MCF2L2: variants seen among roughly 807,000 people sequenced by gnomAD.
MCF2L2 encodes the protein probable guanine nucleotide exchange factor MCF2L2.
In MCF2L2, 102 loss-of-function variants were observed where a neutral mutation model predicts 150.2. The ratio of observed to expected loss-of-function variants is 0.68; its 90% CI spans 0.58 to 0.80. MCF2L2 has a LOEUF of 0.80. Ranked by LOEUF, MCF2L2 falls within the 30% of genes least tolerant of loss-of-function variation. MCF2L2 has a pLI of 0.00. For missense variants in MCF2L2, 1,256 were observed against 1,372.8 expected, an observed-to-expected ratio of 0.91 and a Z score of 1.34; for synonymous variants, 465 against 491.3, an observed-to-expected ratio of 0.95 and a Z score of 0.71.
At chr3:183,295,575 A>C in intron 12 of MCF2L2, 98 bp from the exon 13 acceptor site, 11 of 1,170,684 alleles carry the variant, frequency 9.4e-6, no homozygotes, top group Non-Finnish European at 1.4e-5. Flanking sequence ...TACTCCCCCC[A>C]TCCCTACCTC....
chr3:183,309,883 C>T, intron 9 of MCF2L2, 48 bp from the exon 10 acceptor site: 1 of 1,606,200 alleles, frequency 6.2e-7, no homozygotes, highest in Non-Finnish European at 8.5e-7. Flanking sequence ...CACTCACTCA[C>T]CTGAAGGTAT....
intron 17 of MCF2L2, 43 bp downstream of exon 17, chr3:183,229,623 C>T: frequency 2.2e-6 from 2 of 909,382 alleles, no homozygotes; most frequent in Non-Finnish European, 3.5e-6. Flanking sequence ...TTCCACCCTT[C>T]TCTTACTCTC....
rs138535942 is a variant in MCF2L2, at chr3:183,416,958, A to G, written c.76+10944T>C. ...CCCTGTCTCTACTAAAAATTTTTTTAAAAATTAGCTTGGCGTGGTGGGGCG... is the reference window on the plus strand; with the variant it reads ...CCCTGTCTCTACTAAAAATTTTTTTGAAAATTAGCTTGGCGTGGTGGGGCG... On this transcript the variant is annotated intron_variant, in intron 1 of 29. Coordinates refer to ENST00000328913, the MANE Select transcript of MCF2L2 (RefSeq NM_015078.4). 1.1e-3 allele frequency among the ~76,000 whole-genome samples: 163 copies of G among 151,642 alleles called. 1 individual carries two copies. Among genetic ancestry groups the G allele is most frequent in the African/African-American group, 3.8e-3 (157 of 41,316 alleles).
chr3:183,358,439 CAAAAACACTACATAAAGTTA>C (rs1393476638), intron 3 of MCF2L2, among the ~76,000 whole-genome samples: 5 of 152,148 alleles, frequency 3.3e-5, no homozygotes, highest in African/African-American at 1.2e-4. Flanking sequence ...ACAAAAAATA[CAAAAACACTACATAAAGTTA>C]AAAATGAATC....
At position 183,269,564 on chromosome 3, in the gene MCF2L2, G is replaced by A. The variant is rs1298765567; in HGVS notation, c.1862+7308C>T. 3.4e-5 allele frequency: 15 copies of A among 439,258 alleles called. No homozygotes were observed. The South Asian group carries it at 4.0e-4, about 12-fold the overall frequency. The allele number at this position is 439,258 out of a possible 1,614,324, so 27.2% of individuals were successfully genotyped here. ...CCACCACGCTTCCTGAAGGATGCCC[G>A]TGTGGAAGAATTTTGACGTGCCAGT... On this transcript the variant is annotated intron_variant, in intron 15 of 29. Transcript: ENST00000328913.
intron 3 of MCF2L2, chr3:183,375,963 C>T (rs1258253218): frequency 2.6e-5 from 4 of 152,180 alleles, no homozygotes; most frequent in African/African-American, 9.7e-5. Flanking sequence ...GCCTTCTCAC[C>T]CTTTGTCTCC....
intron 27 of MCF2L2, among the ~76,000 whole-genome samples, chr3:183,187,746 C>CGT (rs1408311010): frequency 2.0e-4 from 31 of 152,352 alleles, no homozygotes; most frequent in African/African-American, 7.2e-4. Context: ...GGATTACAGG[C>CGT]GTGAGCCACC....
intron 14 of MCF2L2, among the ~76,000 whole-genome samples, chr3:183,281,295 T>C (rs922738698): frequency 6.6e-6 from 1 of 151,188 alleles, no homozygotes; most frequent in African/African-American, 2.4e-5. Context: ...TAAAAAATAC[T>C]AGCCACAGGA....
intron 15 of MCF2L2, among the ~76,000 whole-genome samples, chr3:183,260,404 C>G (rs772511712): frequency 6.6e-6 from 1 of 152,128 alleles, no homozygotes; most frequent in Non-Finnish European, 1.5e-5. Flanking sequence ...GCAACCGTGT[C>G]AGCCCAAACA....
At chr3:183,366,284 C>G in intron 3 of MCF2L2, among the ~76,000 whole-genome samples, 1 of 152,158 alleles carries the variant, frequency 6.6e-6, no homozygotes, top group Non-Finnish European at 1.5e-5. Flanking sequence ...CCATTCCCAG[C>G]CAAACTACTG....
chr3:183,243,265 C>T (rs192092026), intron 15 of MCF2L2, among the ~76,000 whole-genome samples: 10 of 152,036 alleles, frequency 6.6e-5, no homozygotes, highest in East Asian at 1.9e-4. Flanking sequence ...TGGGAGGGGC[C>T]GGGGTGAAAT....
chr3:183,345,895 CA>C (rs1730879271), intron 3 of MCF2L2, among the ~76,000 whole-genome samples: 1 of 152,084 alleles, frequency 6.6e-6, no homozygotes, highest in African/African-American at 2.4e-5. Flanking sequence ...CTGAATAGAC[CA>C]ATAACAAGCT....
chr3:183,382,972 C>T (rs1713620868), intron 2 of MCF2L2, among the ~76,000 whole-genome samples: 1 of 152,068 alleles, frequency 6.6e-6, no homozygotes, highest in East Asian at 1.9e-4. Context: ...TCTATTTTCC[C>T]TTTCTCCTCT....
intron 10 of MCF2L2, among the ~76,000 whole-genome samples, chr3:183,303,051 A>G (rs1728931900): frequency 1.3e-5 from 2 of 151,932 alleles, no homozygotes; most frequent in Admixed American, 6.5e-5. Context: ...AAAATTAGCC[A>G]GGCATGGTGG....
At chr3:183,200,939 T>A (rs913945578) in intron 25 of MCF2L2, among the ~76,000 whole-genome samples, 5 of 152,206 alleles carry the variant, frequency 3.3e-5, no homozygotes, top group Non-Finnish European at 7.3e-5. Flanking sequence ...GTTGTAGATG[T>A]ATGATATTAT....
chr3:183,343,865 G>T (rs1275637558), intron 3 of MCF2L2, among the ~76,000 whole-genome samples: 1 of 152,090 alleles, frequency 6.6e-6, no homozygotes, highest in Non-Finnish European at 1.5e-5. Flanking sequence ...AATGCAGTAA[G>T]TAAAATTACT....
chr3:183,211,148 G>C (rs2001449), intron 22 of MCF2L2, among the ~76,000 whole-genome samples: 30,793 of 152,092 alleles, frequency 0.2, 3,990 homozygotes, highest in South Asian at 0.37. Context: ...GTGGTAAGAG[G>C]GGGGGCGAGC....
chr3:183,195,716 C>G (rs994622608), intron 25 of MCF2L2, among the ~76,000 whole-genome samples: 1 of 152,094 alleles, frequency 6.6e-6, no homozygotes, highest in Non-Finnish European at 1.5e-5. Flanking sequence ...CCTCCAGAGG[C>G]CCCCCACTGC....
chr3:183,262,720 G>A (rs142474175), intron 15 of MCF2L2, among the ~76,000 whole-genome samples: 1 of 151,438 alleles, frequency 6.6e-6, no homozygotes, highest in East Asian at 1.9e-4. Flanking sequence ...CTTCAGGGTG[G>A]GGGGGACAGA....
Sources: allele counts gnomAD v4.1 joint callset (sites outside exome capture counted in the v4.1 genomes callset), GRCh38; gene constraint gnomAD v4.1.1; transcripts MANE v1.5; gene names NCBI Gene and HGNC (gene_info 2026-07-23, HGNC 2026-07-21).